FAM228B: variants seen among roughly 807,000 people sequenced by gnomAD.
The protein encoded by FAM228B is protein FAM228B.
Under a neutral mutation model 42.6 loss-of-function variants are expected in FAM228B, and 38 were observed. That is an observed-to-expected ratio of 0.89 (90% confidence interval 0.69 to 1.17). The LOEUF is 1.17. FAM228B is among the 50% of genes most tolerant of loss of function. The pLI, the probability that FAM228B is intolerant of heterozygous loss-of-function variation, is 0.00. For synonymous variants in FAM228B, 109 were observed against 122.3 expected, an observed-to-expected ratio of 0.89 and a Z score of 0.72; for missense variants, 344 against 367.3, an observed-to-expected ratio of 0.94 and a Z score of 0.52.
chr2:24,141,651 TACAGGTGTGAGCC>T (rs1194564256), intron 5 of FAM228B, among the ~76,000 whole-genome samples: 2 of 152,212 alleles, frequency 1.3e-5, no homozygotes, highest in African/African-American at 4.8e-5. Flanking sequence ...GTGCTGGGAT[TACAGGTGTGAGCC>T]ACCGCGCCTG....
At chr2:24,088,255 T>A (rs1665306191) in intron 2 of FAM228B, among the ~76,000 whole-genome samples, 1 of 152,090 alleles carries the variant, frequency 6.6e-6, no homozygotes, top group African/African-American at 2.4e-5. Flanking sequence ...TGGTGTGGTG[T>A]ACCCCAACTC....
At chr2:24,122,380 A>T (rs1341576228), upstream of FAM228B, 21 of 1,394,938 alleles carry the variant, frequency 1.5e-5, no homozygotes, top group Non-Finnish European at 2.0e-5. Flanking sequence ...AGAAATAATA[A>T]GTAAATCAAG....
rs1175983816 is a variant in FAM228B, at chr2:24,084,111, T to C, written c.-210+3156T>C. 1 of 1,520,144 alleles carries C rather than the reference T, an allele frequency of 6.6e-7. No homozygotes were observed. Among genetic ancestry groups the C allele is most frequent in the African/African-American group, 1.4e-5 (1 of 73,068 alleles). 94.2% of individuals were successfully genotyped at this position (1,520,144 alleles called of 1,614,324 possible). A position where few individuals can be genotyped will look rare whatever the true frequency, so the allele number is the denominator to read the frequency against. ...GTGGAGCGGTGCACGCCTTCACGTC[T>C]GGTCAATGTCCACTGAGTGCTGTTG... On this transcript the variant is annotated intron_variant, in intron 2 of 10. Transcript: ENST00000613899. The surrounding 1 kb of genome is among the most constrained non-coding windows in gnomAD (Gnocchi z 8.4).
At chr2:24,100,569 T>C (rs1665587138) in intron 3 of FAM228B, among the ~76,000 whole-genome samples, 1 of 152,158 alleles carries the variant, frequency 6.6e-6, no homozygotes, top group African/African-American at 2.4e-5. Flanking sequence ...TGAGATACCA[T>C]CTTGTGCCAG....
At chr2:24,110,577 G>A (rs575910763) in intron 3 of FAM228B, among the ~76,000 whole-genome samples, 12 of 152,308 alleles carry the variant, frequency 7.9e-5, no homozygotes, top group African/African-American at 1.9e-4. Context: ...CTGGGCTGGC[G>A]AACACCTCCA....
intron 3 of FAM228B, among the ~76,000 whole-genome samples, chr2:24,115,189 C>T (rs1303827853): frequency 2.6e-5 from 4 of 152,228 alleles, no homozygotes; most frequent in South Asian, 2.1e-4. Flanking sequence ...TGATGGGAGA[C>T]ATCCCTTCAT....
At chr2:24,164,364 A>G (rs1236035597) in intron 9 of FAM228B, 29 bp downstream of exon 9, 1 of 1,531,948 alleles carries the variant, frequency 6.5e-7, no homozygotes, top group Admixed American at 2.1e-5. Context: ...CCATTTCATC[A>G]TACATAAGGT....
At chr2:24,122,568 G>A (rs1238912968), upstream of FAM228B, 1 of 1,459,266 alleles carries the variant, frequency 6.9e-7, no homozygotes, top group Non-Finnish European at 9.6e-7. Context: ...AAGTGCAGTT[G>A]AAGCCATTGA....
At chr2:24,079,345 C>T (rs1043833946) in intron 1 of FAM228B, 366 of 1,325,384 alleles carry the variant, frequency 2.8e-4, no homozygotes, top group Non-Finnish European at 5.2e-5. Flanking sequence ...TAGAAACTAA[C>T]CTCCGTAATC....
chr2:24,167,711 A>G, intron 10 of FAM228B, 28 bp downstream of exon 10: 1 of 1,550,432 alleles, frequency 6.4e-7, no homozygotes, highest in Non-Finnish European at 8.7e-7. Flanking sequence ...TTCCCTTCTT[A>G]CTCTCCTATT....
chr2:24,105,336 C>G (rs927509238), intron 3 of FAM228B, among the ~76,000 whole-genome samples: 2 of 152,326 alleles, frequency 1.3e-5, no homozygotes, highest in East Asian at 3.9e-4. Flanking sequence ...GGAAGGGGCT[C>G]CTCCAAGACC....
chr2:24,079,604 C>T (rs1664913263), intron 1 of FAM228B: 2 of 1,614,112 alleles, frequency 1.2e-6, no homozygotes, highest in African/African-American at 1.3e-5. Context: ...CCAGTAGGAT[C>T]CGCCTATGCA....
intron 3 of FAM228B, among the ~76,000 whole-genome samples, chr2:24,136,688 C>T (rs1232841281): frequency 4.6e-5 from 7 of 152,156 alleles, no homozygotes; most frequent in Admixed American, 4.6e-4. Context: ...AAAGGCCCAG[C>T]CCAAATGTCT....
chr2:24,100,445 G>C (rs529001251), intron 3 of FAM228B, among the ~76,000 whole-genome samples: 7 of 152,282 alleles, frequency 4.6e-5, no homozygotes, highest in African/African-American at 1.7e-4. Flanking sequence ...ATCAAAAAGT[G>C]GGTGAAGGAT....
intron 3 of FAM228B, among the ~76,000 whole-genome samples, chr2:24,103,661 G>A (rs377103932): frequency 7.9e-4 from 121 of 152,292 alleles, no homozygotes; most frequent in East Asian, 2.7e-3. Context: ...GCAATGCAGC[G>A]GGTGTGTTTA....
intron 3 of FAM228B, among the ~76,000 whole-genome samples, chr2:24,113,024 G>C (rs575633234): frequency 6.6e-6 from 1 of 152,216 alleles, no homozygotes; most frequent in South Asian, 2.1e-4. Flanking sequence ...CTCTGTAGTT[G>C]TTTTACACCT....
chr2:24,124,541 G>T, intron 2 of FAM228B, 81 bp downstream of exon 2: 18 of 742,570 alleles, frequency 2.4e-5, no homozygotes, highest in East Asian at 6.0e-5. Context: ...TAAATATATT[G>T]TTTTTTCTAT....
chr2:24,086,471 G>A (rs538093343), intron 2 of FAM228B, among the ~76,000 whole-genome samples: 105 of 151,854 alleles, frequency 6.9e-4, no homozygotes, highest in Admixed American at 9.2e-4. Context: ...AAAAAAAATG[G>A]CTTCCTTCTC....
At chr2:24,107,256 C>G (rs1316189208) in intron 3 of FAM228B, among the ~76,000 whole-genome samples, 1 of 152,194 alleles carries the variant, frequency 6.6e-6, no homozygotes, top group Non-Finnish European at 1.5e-5. Context: ...ACACTCAACA[C>G]AGGAGCACCC....
Sources: gnomAD v4.1 joint callset for allele counts (sites outside exome capture counted in the v4.1 genomes callset) on GRCh38, gnomAD v4.1.1 for gene constraint, Gnocchi (gnomAD v3.1) non-coding constraint, MANE v1.5 for transcripts, NCBI Gene and HGNC (gene_info 2026-07-23, HGNC 2026-07-21) for gene names.